CCDC149: variants seen among roughly 807,000 people sequenced by gnomAD.
The protein encoded by CCDC149 is coiled-coil domain containing 149, also known as coiled-coil domain-containing protein 149.
A neutral mutation model predicts 59.9 loss-of-function variants in CCDC149; 45 were observed. The observed-to-expected ratio is 0.75, with a 90% confidence interval of 0.59 to 0.96. The LOEUF (loss-of-function observed/expected upper bound fraction) is 0.96. CCDC149 is among the 40% of genes least tolerant of loss of function. The probability of loss-of-function intolerance (pLI) is 0.00; values close to 1 mark genes in which losing one functional copy is unlikely to be tolerated. For missense variants in CCDC149, 584 were observed against 664.7 expected (o/e 0.88, Z 1.33); for synonymous variants, 245 against 260.6 (o/e 0.94, Z 0.58).
At position 24,819,976 on chromosome 4, in the gene CCDC149, C is replaced by G. The variant is rs1715275816; in HGVS notation, c.1076-1G>C. On this transcript the variant is annotated splice_acceptor_variant, in intron 11 of 12. Transcript: ENST00000635206. LOFTEE classifies it high-confidence loss of function. The stretch of plus-strand genomic sequence containing the variant: ...CTGAACAGTATGGTGTCCTTGCCCC[C>G]TGTTGCAGAAAAGAGGAAAATGGAT... The G allele has an allele frequency of 1.3e-6, 2 of 1,545,688 alleles. No homozygotes were observed. The highest frequency in any genetic ancestry group is 1.7e-6 in the Non-Finnish European group (2 of 1,143,492).
At chr4:24,877,550 C>A (rs900626677) in intron 1 of CCDC149, among the ~76,000 whole-genome samples, 1 of 152,050 alleles carries the variant, frequency 6.6e-6, no homozygotes, top group Non-Finnish European at 1.5e-5. Flanking sequence ...CCATAAATTA[C>A]CACAATAGAT....
At chr4:24,953,730 T>C (rs2109356752) in intron 1 of CCDC149, among the ~76,000 whole-genome samples, 1 of 152,222 alleles carries the variant, frequency 6.6e-6, no homozygotes, top group South Asian at 2.1e-4. Flanking sequence ...CAGCTCTACT[T>C]GCCAAAGACT....
At chr4:24,916,396 A>T (rs1378787542), upstream of CCDC149, among the ~76,000 whole-genome samples, 3 of 152,198 alleles carry the variant, frequency 2.0e-5, no homozygotes, top group East Asian at 5.8e-4. Flanking sequence ...CAAACAAAAA[A>T]TCTCTGGAGA....
chr4:24,961,642 C>T (rs2109361460), intron 1 of CCDC149, among the ~76,000 whole-genome samples: 1 of 152,270 alleles, frequency 6.6e-6, no homozygotes, highest in East Asian at 1.9e-4. Flanking sequence ...ACAGAGCCCT[C>T]AGAAATAATG....
chr4:24,972,726 C>T (rs1724013896), intron 1 of CCDC149, among the ~76,000 whole-genome samples: 1 of 152,108 alleles, frequency 6.6e-6, no homozygotes, highest in South Asian at 2.1e-4. Context: ...CCAATCTGAC[C>T]CTGGCATAAC....
chr4:24,805,392 GC>G (rs948762304), downstream of CCDC149, among the ~76,000 whole-genome samples: 1 of 152,134 alleles, frequency 6.6e-6, no homozygotes, highest in African/African-American at 2.4e-5. Context: ...AACAACCATA[GC>G]CCCTCCCCTT....
chr4:24,804,486 CAAAAAAAAAAAAAA>C (rs397796144), downstream of CCDC149, among the ~76,000 whole-genome samples: 3 of 57,126 alleles, frequency 5.3e-5, no homozygotes, highest in Non-Finnish European at 1.1e-4. Context: ...GTGAGACTCT[CAAAAAAAAAAAAAA>C]AAAAAAAAAG....
chr4:24,870,842 T>G (rs1370556828), intron 3 of CCDC149, among the ~76,000 whole-genome samples: 1 of 151,842 alleles, frequency 6.6e-6, no homozygotes, highest in South Asian at 2.1e-4. Context: ...AAAGATAAAT[T>G]TCCCCATCCT....
chr4:24,882,214 TA>T (rs1719884295), intron 1 of CCDC149, among the ~76,000 whole-genome samples: 1 of 152,174 alleles, frequency 6.6e-6, no homozygotes. Context: ...AAAAAAAGTT[TA>T]AAAATCCACA....
intron 1 of CCDC149, among the ~76,000 whole-genome samples, chr4:24,899,160 G>C (rs1406269432): frequency 6.6e-6 from 1 of 152,226 alleles, no homozygotes; most frequent in African/African-American, 2.4e-5. Context: ...TGGCCACAGT[G>C]AAAGAGTGGG....
At chr4:24,942,408 G>A (rs1359985274) in intron 1 of CCDC149, among the ~76,000 whole-genome samples, 1 of 152,230 alleles carries the variant, frequency 6.6e-6, no homozygotes, top group African/African-American at 2.4e-5. Flanking sequence ...AAAATAATAA[G>A]AGCTATCTAT....
intron 10 of CCDC149, among the ~76,000 whole-genome samples, chr4:24,821,729 G>A (rs1715412366): frequency 6.6e-6 from 1 of 152,196 alleles, no homozygotes; most frequent in Admixed American, 6.5e-5. Context: ...AGGGGAGATG[G>A]TGGAAATGGT....
At chr4:24,818,108 G>A (rs1179875577) in intron 12 of CCDC149, among the ~76,000 whole-genome samples, 1 of 152,178 alleles carries the variant, frequency 6.6e-6, no homozygotes, top group African/African-American at 2.4e-5. Context: ...ATGAGGGCCT[G>A]AACCATGCCA....
At chr4:24,917,001 C>G (rs1361389479), upstream of CCDC149, among the ~76,000 whole-genome samples, 1 of 152,098 alleles carries the variant, frequency 6.6e-6, no homozygotes, top group African/African-American at 2.4e-5. Context: ...AGGCCTGAGA[C>G]CTGAGGTCCC....
chr4:24,849,531 C>T (rs765036598), intron 4 of CCDC149, among the ~76,000 whole-genome samples: 1 of 152,156 alleles, frequency 6.6e-6, no homozygotes, highest in African/African-American at 2.4e-5. Context: ...AAGAACGCTG[C>T]CCCCTGCCCC....
chr4:24,857,652 G>T (rs878950067), intron 3 of CCDC149, among the ~76,000 whole-genome samples: 5 of 152,198 alleles, frequency 3.3e-5, no homozygotes, highest in Admixed American at 3.3e-4. Context: ...GTTATTTAGA[G>T]ACCTAGTGAT....
chr4:24,856,983 G>GCATC (rs1718051452), intron 3 of CCDC149, among the ~76,000 whole-genome samples: 1 of 152,218 alleles, frequency 6.6e-6, no homozygotes, highest in Admixed American at 6.5e-5. Context: ...GTGAATCTCA[G>GCATC]CATCCCCATC....
chr4:24,873,771 T>C (rs767679543), intron 2 of CCDC149, 52 bp from the exon 3 acceptor site: 2 of 1,420,056 alleles, frequency 1.4e-6, no homozygotes, highest in Admixed American at 1.7e-5. Context: ...TAGATGTACT[T>C]AGAAACAAGA....
At chr4:24,877,522 T>G (rs765970039) in intron 1 of CCDC149, among the ~76,000 whole-genome samples, 4 of 151,982 alleles carry the variant, frequency 2.6e-5, no homozygotes, top group Non-Finnish European at 5.9e-5. Flanking sequence ...GCCCAAAAAG[T>G]TATTAAAAAT....
Sources: allele counts gnomAD v4.1 joint callset (sites outside exome capture counted in the v4.1 genomes callset), GRCh38; gene constraint gnomAD v4.1.1; transcripts MANE v1.5; gene names NCBI Gene and HGNC (gene_info 2026-07-23, HGNC 2026-07-21).